The following UBA6 variants were observed in gnomAD, a reference collection of about 807,000 sequenced individuals.
UBA6 encodes ubiquitin-like modifier-activating enzyme 6.
In UBA6, 87 loss-of-function variants were observed where a neutral mutation model predicts 148.3. That is an observed-to-expected ratio of 0.59 (90% CI 0.49 to 0.70). The LOEUF (loss-of-function observed/expected upper bound fraction) is 0.70, where lower values mean the gene tolerates loss of function less well. Ranked by LOEUF, UBA6 falls within the 30% of genes least tolerant of loss-of-function variation. The pLI, the probability that UBA6 is intolerant of heterozygous loss-of-function variation, is 0.00. For synonymous variants in UBA6, 376 were observed against 401.0 expected (o/e 0.94, Z 0.75); for missense variants, 1,186 against 1,241.2 (o/e 0.96, Z 0.67).
At chr4:67,675,814 A>C (rs1730265660) in intron 6 of UBA6, among the ~76,000 whole-genome samples, 1 of 151,894 alleles carries the variant, frequency 6.6e-6, no homozygotes, top group Non-Finnish European at 1.5e-5. Context: ...AATAAATAAA[A>C]ATTCTTTGAG....
rs1224547787 is a variant in UBA6 at position 67,675,005 on chromosome 4, GA to G, written c.466-1229del. ...CTGCCTCAGCCTCCCCAGTAGCTGG[GA>G]TTACAGGCACATGCCACCATGCCCA... On this transcript the variant is annotated intron_variant, in intron 6 of 32. Transcript: ENST00000322244. 5.9e-5 allele frequency among the ~76,000 whole-genome samples: 9 copies of G among 152,284 alleles called. No individual in the cohort carries two copies. In the South Asian group the frequency reaches 1.7e-3, roughly 28 times the overall value.
In UBA6 at chr4:67,670,516, G is replaced by T; in HGVS notation, c.623C>A (p.Thr208Lys). ...AATTTCTTTTGGTTCTTCTCCTGTT[G>T]TATCTAAAACTTCAAATTCATCACC... ...DFGDEFEVLDTTGEEPKEIFI... is the reference protein window; with the variant it reads ...DFGDEFEVLDKTGEEPKEIFI... Residue 208 changes from threonine to lysine, a missense_variant, in exon 8 of 33, where the codon ACA (threonine) becomes AAA (lysine). Transcript: ENST00000322244. 2 of 1,598,204 alleles carry T rather than the reference G, an allele frequency of 1.3e-6. No homozygotes were observed. The highest frequency in any genetic ancestry group is 1.7e-6 in the Non-Finnish European group (2 of 1,165,822).
At chr4:67,663,818 A>T (rs1036945346) in intron 11 of UBA6, 67 bp downstream of exon 11, 2 of 1,356,920 alleles carry the variant, frequency 1.5e-6, no homozygotes, top group African/African-American at 2.9e-5. Context: ...TTTTAACTTC[A>T]TAATCACTCA....
chr4:67,649,004 T>G (rs1235980822), intron 14 of UBA6, 64 bp downstream of exon 14: 34 of 1,534,022 alleles, frequency 2.2e-5, no homozygotes, highest in Non-Finnish European at 2.9e-5. Context: ...TAATACTACA[T>G]TATAATATGT....
intron 13 of UBA6, among the ~76,000 whole-genome samples, chr4:67,659,652 A>ATG (rs1729799839): frequency 1.3e-5 from 2 of 151,918 alleles, no homozygotes; most frequent in Non-Finnish European, 2.9e-5. Context: ...TTTATATAGC[A>ATG]TATGCAGTGT....
intron 2 of UBA6, among the ~76,000 whole-genome samples, chr4:67,685,230 CTTGATTTT>C (rs1228374974): frequency 6.6e-6 from 1 of 151,842 alleles, no homozygotes; most frequent in Non-Finnish European, 1.5e-5. Context: ...ACTTTTATTT[CTTGATTTT>C]TTGAGTTTTA....
chr4:67,648,157 T>C (rs1729465214), intron 14 of UBA6, among the ~76,000 whole-genome samples: 1 of 151,912 alleles, frequency 6.6e-6, no homozygotes, highest in Non-Finnish European at 1.5e-5. Context: ...AATAGCATTA[T>C]GTGAGTACCT....
intron 2 of UBA6, among the ~76,000 whole-genome samples, chr4:67,690,797 TAAC>T (rs1224264112): frequency 6.9e-6 from 1 of 144,180 alleles, no homozygotes; most frequent in Non-Finnish European, 1.5e-5. Flanking sequence ...AAACAAAACA[TAAC>T]AAGTATTGGC....
chr4:67,653,821 A>G (rs1054177470), intron 13 of UBA6, among the ~76,000 whole-genome samples: 2 of 152,182 alleles, frequency 1.3e-5, no homozygotes, highest in African/African-American at 4.8e-5. Flanking sequence ...ACTAGAATAA[A>G]CAGTGTAGAG....
At chr4:67,666,917 A>G (rs868524496) in intron 9 of UBA6, among the ~76,000 whole-genome samples, 52 of 152,132 alleles carry the variant, frequency 3.4e-4, no homozygotes, top group African/African-American at 1.2e-3. Context: ...AAAAAACAAA[A>G]CAACATTTTT....
intron 2 of UBA6, among the ~76,000 whole-genome samples, chr4:67,682,930 T>C (rs756815915): frequency 1.3e-5 from 2 of 152,198 alleles, no homozygotes; most frequent in Non-Finnish European, 2.9e-5. Context: ...CTTTCAGAAT[T>C]AACACATACA....
rs1729079622 is a variant in UBA6 at position 67,634,251 on chromosome 4, T to G, written c.2004A>C (p.Glu668Asp). 2 of 1,587,790 alleles carry G rather than the reference T, an allele frequency of 1.3e-6. No individual in the cohort carries two copies. Among genetic ancestry groups the G allele is most frequent in the Non-Finnish European group, 1.7e-6 (2 of 1,172,140 alleles). ...ATTTACTGATTTTTACCTGTAAGACTTCTTCTGCAGATGAATAGGTTTGCC... is the reference window on the plus strand; with the variant it reads ...ATTTACTGATTTTTACCTGTAAGACGTCTTCTGCAGATGAATAGGTTTGCC... ...KFWQTYSSAE[E>D]VLQKIQSGHS... The change falls in exon 22 of 33, where the codon GAA becomes GAC. Residue 668 changes from glutamate (E) to aspartate (D), a missense_variant. Glu to Asp is a conservative substitution (Grantham distance 45). Coordinates refer to ENST00000322244, the MANE Select transcript of UBA6 (RefSeq NM_018227.6).
At chr4:67,624,350 T>G in intron 29 of UBA6, 97 bp from the exon 30 acceptor site, 1 of 1,182,834 alleles carries the variant, frequency 8.5e-7, no homozygotes, top group South Asian at 1.7e-5. Context: ...AGCATTTCTC[T>G]GTGGATAGTA....
rs188894858 is a variant in UBA6 at position 67,625,838 on chromosome 4, T to C, written c.2518+522A>G. Among the ~76,000 whole-genome samples, 233 of 152,086 alleles carry C rather than the reference T, an allele frequency of 1.5e-3. 2 individuals are homozygous for C. The highest frequency in any genetic ancestry group is 5.3e-3 in the African/African-American group (222 of 41,536). On this transcript the variant is annotated intron_variant, in intron 28 of 32. Transcript: ENST00000322244. ...TAAGGAATTAAAAATTCAGTTTTCCTGTATTTTTATATTTAAGTCCATCTA... is the reference window on the plus strand; with the variant it reads ...TAAGGAATTAAAAATTCAGTTTTCCCGTATTTTTATATTTAAGTCCATCTA...
intron 29 of UBA6, 32 bp downstream of exon 29, chr4:67,624,962 G>A (rs1378546001): frequency 6.4e-7 from 1 of 1,552,324 alleles, no homozygotes; most frequent in Non-Finnish European, 8.8e-7. Flanking sequence ...AATGAAAAAG[G>A]AGCATTTTTA....
chr4:67,642,407 G>A (rs983339156), intron 17 of UBA6, among the ~76,000 whole-genome samples: 1 of 151,986 alleles, frequency 6.6e-6, no homozygotes, highest in Admixed American at 6.6e-5. Flanking sequence ...CTTTCCATGA[G>A]ATCAGTTACA....
At chr4:67,647,504 A>C (rs578000072) in intron 14 of UBA6, among the ~76,000 whole-genome samples, 1 of 152,230 alleles carries the variant, frequency 6.6e-6, no homozygotes, top group East Asian at 1.9e-4. Context: ...TTCAGCTTGG[A>C]TATATAATCT....
chr4:67,617,018 G>GA lies in UBA6; in HGVS notation c.*1978dup, dbSNP rs1171870733. ...ATCATGGCAATAACCATTAACTATAGAAAAAAAGTAATGGAAAAATGGTTG... is the reference window on the plus strand; with the variant it reads ...ATCATGGCAATAACCATTAACTATAGAAAAAAAAGTAATGGAAAAATGGTTG... On this transcript the variant is annotated 3_prime_UTR_variant, in exon 33 of 33. Coordinates refer to ENST00000322244, the MANE Select transcript of UBA6 (RefSeq NM_018227.6). 2 of 151,852 alleles carry GA rather than the reference G, an allele frequency of 1.3e-5. No homozygotes were observed. The highest frequency in any genetic ancestry group is 2.9e-5 in the Non-Finnish European group (2 of 67,862). The allele number at this position is 151,852 out of a possible 1,614,324, so 9.4% of individuals were successfully genotyped here.
Position 67,653,394 on chromosome 4 carries a change from G to A in UBA6, c.1105-4183C>T, listed in dbSNP as rs138918606. 8.1e-3 allele frequency among the ~76,000 whole-genome samples: 1,236 copies of A among 152,318 alleles called. 22 individuals carry two copies. The highest frequency in any genetic ancestry group is 0.028 in the African/African-American group (1,174 of 41,564). On this transcript the variant is annotated intron_variant, in intron 13 of 32. Coordinates refer to ENST00000322244, the MANE Select transcript of UBA6 (RefSeq NM_018227.6). ...CGCTGGTGATACCCAGGCAAACAGG[G>A]TCTGGAGTGGACCTCCAGCAAACTC... is the stretch of plus-strand genomic sequence containing the variant.
Sources: gnomAD v4.1 joint callset for allele counts (sites outside exome capture counted in the v4.1 genomes callset) on GRCh38, gnomAD v4.1.1 for gene constraint, MANE v1.5 for transcripts, NCBI Gene and HGNC (gene_info 2026-07-23, HGNC 2026-07-21) for gene names.